Variants in HMCN1 observed in about 807,000 individuals in gnomAD.
The protein encoded by HMCN1 is hemicentin-1.
In HMCN1, 321 loss-of-function variants were observed where a neutral mutation model predicts 625.9. The observed-to-expected ratio is 0.51, with a 90% CI of 0.47 to 0.56. The LOEUF (loss-of-function observed/expected upper bound fraction) is 0.56. HMCN1 is among the 20% of genes least tolerant of loss of function. The probability of loss-of-function intolerance (pLI) is 0.00; values close to 1 mark genes in which losing one functional copy is unlikely to be tolerated. For synonymous variants in HMCN1, 2,425 were observed against 2,417.6 expected (o/e 1.00, Z -0.09); for missense variants, 6,588 against 6,887.3 (o/e 0.96, Z 1.54).
In HMCN1 at chr1:185,982,360, G is replaced by C. The variant is rs568780532; in HGVS notation, c.2761G>C (p.Glu921Gln). ...CTLLAGNPIP[E>Q]RRWIKNSAML... Reference sequence around the variant, plus strand: ...TCTGTTAGCTGGAAATCCCATTCCAGAACGTCGGTGGATTAAGAATTCAGC... The same window carrying C: ...TCTGTTAGCTGGAAATCCCATTCCACAACGTCGGTGGATTAAGAATTCAGC... The change falls in exon 18 of 107, where the codon GAA (glutamate) becomes CAA (glutamine). Residue 921 changes from glutamate to glutamine, a missense_variant. Coordinates refer to ENST00000271588, the MANE Select transcript of HMCN1 (RefSeq NM_031935.3). 6.9e-5 allele frequency: 112 copies of C among 1,613,698 alleles called. No homozygotes were observed. The South Asian group carries it at 1.2e-3, about 17-fold the overall frequency.
chr1:185,935,755 A>G (rs1368384292), intron 11 of HMCN1, among the ~76,000 whole-genome samples: 1 of 152,146 alleles, frequency 6.6e-6, no homozygotes, highest in Non-Finnish European at 1.5e-5. Context: ...TATAGTCTAG[A>G]ATTGATAATA....
At chr1:186,189,469 C>A in intron 106 of HMCN1, 43 bp from the exon 107 acceptor site, 4 of 1,608,072 alleles carry the variant, frequency 2.5e-6, no homozygotes, top group Non-Finnish European at 3.4e-6. Context: ...CCTCCTCCTA[C>A]TTCCAGATAA....
At chr1:185,831,977 T>A (rs866241450) in intron 1 of HMCN1, among the ~76,000 whole-genome samples, 4 of 152,214 alleles carry the variant, frequency 2.6e-5, no homozygotes, top group African/African-American at 7.2e-5. Flanking sequence ...AGGCAGGATA[T>A]TTTTGGATAT....
At chr1:185,889,383 G>C (rs941587436) in intron 4 of HMCN1, among the ~76,000 whole-genome samples, 1 of 147,488 alleles carries the variant, frequency 6.8e-6, no homozygotes, top group African/African-American at 2.7e-5. Context: ...TCCCTGTCTT[G>C]TGCCAGTATT....
intron 48 of HMCN1, among the ~76,000 whole-genome samples, chr1:186,063,775 A>G (rs979262279): frequency 1.3e-5 from 2 of 152,186 alleles, no homozygotes; most frequent in South Asian, 4.1e-4. Flanking sequence ...TGAATATTAC[A>G]GAGGGAATAT....
Position 185,994,985 on chromosome 1 carries a change from T to C in HMCN1, c.3676T>C (p.Leu1226=). 4 of 1,613,868 alleles carry C rather than the reference T, an allele frequency of 2.5e-6. No homozygotes were observed. Among genetic ancestry groups the C allele is most frequent in the Non-Finnish European group, 2.5e-6 (3 of 1,179,848 alleles). The part of the protein sequence containing the change: ...EHHVSNPDGT[L]SIDQATPSDA... ...CCATGTTAGCAATCCAGACGGAACT[T>C]TAAGCATCGACCAAGCCACGCCCTC... The change falls in exon 24 of 107, where the codon TTA becomes CTA. Residue 1226 remains leucine, a synonymous_variant. Transcript: ENST00000271588.
intron 36 of HMCN1, among the ~76,000 whole-genome samples, chr1:186,025,060 G>T (rs1160845694): frequency 6.6e-6 from 1 of 152,168 alleles, no homozygotes; most frequent in Non-Finnish European, 1.5e-5. Context: ...GGTCCCATCT[G>T]GGGGTAACGG....
rs1653597083 is a variant in HMCN1 at position 186,189,738 on chromosome 1, G to GT, written c.16769dup (p.Val5591GlyfsTer29). On this transcript the variant is annotated frameshift_variant, in exon 107 of 107. Coordinates refer to ENST00000271588, the MANE Select transcript of HMCN1 (RefSeq NM_031935.3). LOFTEE classifies it high-confidence loss of function. ...CTTGAGGGATGAAAACCTGAAAGGA[G>GT]TGGTGTATACAACACGACCACTACG... 6.2e-7 allele frequency: 1 copy of GT among 1,613,536 alleles called. No homozygotes were observed. The highest frequency in any genetic ancestry group is 1.1e-5 in the South Asian group (1 of 91,060).
At chr1:185,766,485 T>A (rs187033172) in intron 1 of HMCN1, among the ~76,000 whole-genome samples, 17 of 152,238 alleles carry the variant, frequency 1.1e-4, no homozygotes, top group Non-Finnish European at 2.4e-4. Context: ...TAAACTCTTC[T>A]GGCCGTCTCA....
intron 52 of HMCN1, among the ~76,000 whole-genome samples, chr1:186,072,815 G>A (rs1217241645): frequency 6.6e-6 from 1 of 152,222 alleles, no homozygotes; most frequent in Non-Finnish European, 1.5e-5. Context: ...TGGAGAGCCA[G>A]ACCATGATGC....
rs1455569448 is a variant in HMCN1, at chr1:186,041,044, C to T, written c.6212C>T (p.Thr2071Ile). Residue 2071 changes from threonine to isoleucine, a missense_variant, in exon 40 of 107, where the codon ACC (threonine) becomes ATC (isoleucine). Physicochemically the swap from Thr to Ile is moderately conservative, Grantham distance 89. Coordinates refer to ENST00000271588, the MANE Select transcript of HMCN1 (RefSeq NM_031935.3). ...VLSGGRILAL[T>I]SAQISDTGRY... The stretch of plus-strand genomic sequence containing the variant: ...TCTGGTGGTCGAATCCTAGCATTGA[C>T]CAGTGCACAAATCAGCGACACAGGA... 14 of 1,612,852 alleles carry T rather than the reference C, an allele frequency of 8.7e-6. No homozygotes were observed. Among genetic ancestry groups the T allele is most frequent in the Non-Finnish European group, 1.1e-5 (13 of 1,179,158 alleles).
rs994300473 is a variant in HMCN1, at chr1:186,139,803, C to A, written c.13924+1831C>A. 4.6e-5 allele frequency among the ~76,000 whole-genome samples: 7 copies of A among 152,090 alleles called. No individual in the cohort carries two copies. In the South Asian group the frequency reaches 8.3e-4, roughly 18 times the overall value. On this transcript the variant is annotated intron_variant, in intron 89 of 106. Transcript: ENST00000271588. ...AGCTGTAGTAGGAGTATCTATACCA[C>A]AAAAATTAGCGATGCTACAAGTTTT...
chr1:186,059,317 C>T (rs1159280718), intron 46 of HMCN1, among the ~76,000 whole-genome samples: 1 of 152,004 alleles, frequency 6.6e-6, no homozygotes, highest in Non-Finnish European at 1.5e-5. Context: ...TTATATTCAT[C>T]TTTCTGGCTT....
rs1652255038 is a variant in HMCN1 at position 185,989,482 on chromosome 1, T to C, written c.3049-6T>C. ...AAAACCCTTTGCTTTTCGCCGTGTT[T>C]TGCAGAAAGGAGAGCTGATTTCAAC... On this transcript the variant is annotated splice_polypyrimidine_tract_variant and splice_region_variant and intron_variant, in intron 20 of 106. Coordinates refer to ENST00000271588, the MANE Select transcript of HMCN1 (RefSeq NM_031935.3). The C allele has an allele frequency of 1.9e-6, 3 of 1,613,766 alleles. No individual in the cohort carries two copies. In the African/African-American group the frequency reaches 4.0e-5, roughly 22 times the overall value.
chr1:185,994,686 G>GC, intron 23 of HMCN1, 129 bp from the exon 24 acceptor site: 1 of 883,694 alleles, frequency 1.1e-6, no homozygotes, highest in Non-Finnish European at 1.8e-6. Context: ...AATGATCCGA[G>GC]CCTAGGTCCA....
At chr1:185,903,596 A>G (rs1665935616) in intron 4 of HMCN1, among the ~76,000 whole-genome samples, 1 of 151,754 alleles carries the variant, frequency 6.6e-6, no homozygotes, top group African/African-American at 2.4e-5. Context: ...TTTCTAAATT[A>G]AATAGGTACA....
intron 93 of HMCN1, among the ~76,000 whole-genome samples, chr1:186,148,532 A>AGAGTC (rs1491433417): frequency 6.6e-6 from 1 of 152,098 alleles, no homozygotes; most frequent in Non-Finnish European, 1.5e-5. Flanking sequence ...TGTTTGAGAC[A>AGAGTC]GAGTCTCATT....
chr1:186,049,061 T>C (rs1424181366), intron 42 of HMCN1, among the ~76,000 whole-genome samples: 1 of 152,062 alleles, frequency 6.6e-6, no homozygotes, highest in Non-Finnish European at 1.5e-5. Flanking sequence ...AGGATTCTCC[T>C]CATCTGCCTG....
rs184830703 is a variant in HMCN1 at position 185,841,885 on chromosome 1, T to C, written c.269-4141T>C. On this transcript the variant is annotated intron_variant, in intron 1 of 106. Coordinates refer to ENST00000271588, the MANE Select transcript of HMCN1 (RefSeq NM_031935.3). Reference sequence around the variant, plus strand: ...GAGTATTGTGAATTATAAAAGTTCTTGCAAATATAGGTAGTGATATGTAAT... The same window carrying C: ...GAGTATTGTGAATTATAAAAGTTCTCGCAAATATAGGTAGTGATATGTAAT... Among the ~76,000 whole-genome samples, 115 of 152,348 alleles carry C rather than the reference T, an allele frequency of 7.5e-4. 1 individual carries two copies. The highest frequency in any genetic ancestry group is 4.1e-4 in the South Asian group (2 of 4,824).
Sources: gnomAD v4.1 joint callset for allele counts (sites outside exome capture counted in the v4.1 genomes callset) on GRCh38, gnomAD v4.1.1 for gene constraint, MANE v1.5 for transcripts, NCBI Gene and HGNC (gene_info 2026-07-23, HGNC 2026-07-21) for gene names.